NAV2: variants seen among roughly 807,000 people sequenced by gnomAD.
The protein encoded by NAV2 is neuron navigator 2, also known as helicase, APC down-regulated 1.
NAV2 carries 54 observed loss-of-function variants against 223.2 expected under a neutral mutation model. The observed-to-expected ratio is 0.24, with a 90% CI of 0.19 to 0.30. NAV2 has a LOEUF of 0.30. NAV2 is among the 10% of genes least tolerant of loss of function. The pLI, the probability that NAV2 is intolerant of heterozygous loss-of-function variation, is 1.00. For missense variants in NAV2, 2,806 were observed against 3,147.5 expected, an observed-to-expected ratio of 0.89 and a Z score of 2.60; for synonymous variants, 1,279 against 1,239.3, an observed-to-expected ratio of 1.03 and a Z score of -0.67.
chr11:19,901,085 C>T (rs1479300828), intron 6 of NAV2, among the ~76,000 whole-genome samples: 1 of 152,208 alleles, frequency 6.6e-6, no homozygotes. Flanking sequence ...CTCATCATCC[C>T]TTGAGGTAAT....
intron 1 of NAV2, among the ~76,000 whole-genome samples, chr11:19,397,396 A>AGTGTGTGTGTGTGTGTGTGT (rs1554919830): frequency 4.1e-4 from 59 of 143,908 alleles, no homozygotes; most frequent in South Asian, 6.9e-4. Flanking sequence ...TTCTCTGGGG[A>AGTGTGTGTGTGTGTGTGTGT]GTGTGTGTGT....
At chr11:19,802,618 G>C (rs2058336644) in intron 1 of NAV2, among the ~76,000 whole-genome samples, 1 of 150,572 alleles carries the variant, frequency 6.6e-6, no homozygotes, top group South Asian at 2.1e-4. Flanking sequence ...ACCAAGGCAG[G>C]AGAATCACTT....
At chr11:19,688,330 G>C (rs1487427854) in intron 1 of NAV2, among the ~76,000 whole-genome samples, 1 of 152,160 alleles carries the variant, frequency 6.6e-6, no homozygotes, top group Non-Finnish European at 1.5e-5. Context: ...ACCTTGACCT[G>C]TGTAATCTTA....
At position 20,045,808 on chromosome 11, in the gene NAV2, C is replaced by T. The variant is rs112974051; in HGVS notation, c.3902+138C>T. ...GTAAAGCTGTTTTGTCAGATCAGGC[C>T]GGCAGTTTTGCAGTTGACTATTTTC... On this transcript the variant is annotated intron_variant, in intron 14 of 37. Coordinates refer to ENST00000349880, the MANE Select transcript of NAV2 (RefSeq NM_145117.5). The T allele has an allele frequency of 1.4e-4, 105 of 738,706 alleles. No homozygotes were observed. In the African/African-American group the frequency reaches 1.5e-3, roughly 11 times the overall value. 45.8% of individuals were successfully genotyped at this position (738,706 alleles called of 1,614,324 possible). A position where few individuals can be genotyped will look rare whatever the true frequency, so the allele number is the denominator to read the frequency against.
At chr11:19,551,719 T>C (rs898759037) in intron 1 of NAV2, among the ~76,000 whole-genome samples, 1 of 139,952 alleles carries the variant, frequency 7.1e-6, no homozygotes, top group African/African-American at 2.5e-5. Flanking sequence ...CTCTCATTTC[T>C]ACAGTAAAAT....
rs531914839 is a variant in NAV2 at position 19,713,271 on chromosome 11, C to T, written c.-425C>T. The T allele has an allele frequency of 3.1e-3, 3,087 of 1,002,380 alleles. 3 individuals carry two copies. Among genetic ancestry groups the T allele is most frequent in the Middle Eastern group, 6.3e-3 (13 of 2,062 alleles). The allele number at this position is 1,002,380 out of a possible 1,614,324, so 62.1% of individuals were successfully genotyped here. ...GACCCGTAGCCTCCGGAACGGGACT[C>T]GTGGGTCGCCGCCGCCTCTGTCTCT... On this transcript the variant is annotated 5_prime_UTR_variant, in exon 1 of 38. Coordinates refer to ENST00000349880, the MANE Select transcript of NAV2 (RefSeq NM_145117.5). This position sits in a 1 kb window ranked among gnomAD's most constrained non-coding sequence, Gnocchi z 7.2.
intron 1 of NAV2, among the ~76,000 whole-genome samples, chr11:19,726,716 G>A (rs182589847): frequency 6.6e-6 from 1 of 152,218 alleles, no homozygotes; most frequent in Non-Finnish European, 1.5e-5. Context: ...TCTGTGGCCT[G>A]GTTGTAATGG....
chr11:19,636,593 C>G (rs1270104393), intron 1 of NAV2, among the ~76,000 whole-genome samples: 1 of 151,802 alleles, frequency 6.6e-6, no homozygotes, highest in Non-Finnish European at 1.5e-5. Flanking sequence ...CGGGTTCACG[C>G]CATTCTCCTG....
intron 1 of NAV2, among the ~76,000 whole-genome samples, chr11:19,764,545 A>C (rs573008553): frequency 1.3e-5 from 2 of 152,362 alleles, no homozygotes; most frequent in Admixed American, 1.3e-4. Context: ...TTTTCTTATC[A>C]GTAAAATAGG....
At chr11:19,419,113 T>TG (rs1422996063) in intron 1 of NAV2, among the ~76,000 whole-genome samples, 1 of 152,174 alleles carries the variant, frequency 6.6e-6, no homozygotes, top group African/African-American at 2.4e-5. Context: ...TCAGTGGCAC[T>TG]GGGGGGCTGG....
At chr11:19,808,027 G>C (rs980264451) in intron 1 of NAV2, among the ~76,000 whole-genome samples, 2 of 152,152 alleles carry the variant, frequency 1.3e-5, no homozygotes, top group Non-Finnish European at 2.9e-5. Context: ...AGATGAGCTT[G>C]GTATTGAGAC....
At chr11:19,783,862 G>A (rs754703319) in intron 1 of NAV2, among the ~76,000 whole-genome samples, 10 of 152,132 alleles carry the variant, frequency 6.6e-5, no homozygotes, top group Non-Finnish European at 1.3e-4. Context: ...TAATGATAAT[G>A]ATCATGATGT....
At chr11:19,787,270 CTTTTTTTTTTTTTTTTT>C (rs757183666) in intron 1 of NAV2, among the ~76,000 whole-genome samples, 40 of 55,008 alleles carry the variant, frequency 7.3e-4, no homozygotes, top group Non-Finnish European at 1.1e-3. Flanking sequence ...TTTATTGGAT[CTTTTTTTTTTTTTTTTT>C]TTTTTTTTTT....
At chr11:19,624,790 G>A (rs1030509759) in intron 1 of NAV2, among the ~76,000 whole-genome samples, 1 of 152,198 alleles carries the variant, frequency 6.6e-6, no homozygotes, top group East Asian at 1.9e-4. Context: ...AAGCCCCAGT[G>A]AGATGAACCC....
Position 20,011,031 on chromosome 11 carries a change from C to T in NAV2, c.2769-24928C>T, listed in dbSNP as rs146614602. Among the ~76,000 whole-genome samples, 758 of 152,290 alleles carry T rather than the reference C, an allele frequency of 5.0e-3. 8 individuals are homozygous for T. Among genetic ancestry groups the T allele is most frequent in the African/African-American group, 0.017 (710 of 41,560 alleles). ...CCCATCTCTCTAGTCTCTTCCTCTC[C>T]GCAGGCCTGCCTATGCATCTTCAGG... On this transcript the variant is annotated intron_variant, in intron 11 of 37. Transcript: ENST00000349880.
At chr11:19,621,866 CT>C (rs2135420702) in intron 1 of NAV2, among the ~76,000 whole-genome samples, 1 of 152,278 alleles carries the variant, frequency 6.6e-6, no homozygotes, top group South Asian at 2.1e-4. Flanking sequence ...AATTTTAGAT[CT>C]TTCCTGCTTT....
chr11:19,513,892 A>G (rs1181107035), intron 1 of NAV2, among the ~76,000 whole-genome samples: 6 of 152,198 alleles, frequency 3.9e-5, no homozygotes, highest in Non-Finnish European at 2.9e-5. Context: ...CCAAGGCTTG[A>G]TGGCCACTAC....
intron 10 of NAV2, among the ~76,000 whole-genome samples, chr11:19,959,885 A>C (rs1016490270): frequency 1.3e-5 from 2 of 152,028 alleles, no homozygotes; most frequent in Non-Finnish European, 2.9e-5. Context: ...CACCATCTGG[A>C]CTGTCTGCTG....
At chr11:19,601,417 C>G (rs1010738588) in intron 1 of NAV2, among the ~76,000 whole-genome samples, 1 of 152,164 alleles carries the variant, frequency 6.6e-6, no homozygotes, top group Admixed American at 6.5e-5. Context: ...CAGAGCAGCC[C>G]TCTACTTGGT....
Sources: gnomAD v4.1 joint callset for allele counts (sites outside exome capture counted in the v4.1 genomes callset) on GRCh38, gnomAD v4.1.1 for gene constraint, Gnocchi (gnomAD v3.1) non-coding constraint, MANE v1.5 for transcripts, NCBI Gene and HGNC (gene_info 2026-07-23, HGNC 2026-07-21) for gene names.